KDM4C: variants seen among roughly 807,000 people sequenced by gnomAD.
The protein encoded by KDM4C is lysine demethylase 4C.
KDM4C carries 81 observed loss-of-function variants against 129.3 expected under a neutral mutation model. The ratio of observed to expected loss-of-function variants is 0.63; its 90% confidence interval spans 0.52 to 0.75. The LOEUF (loss-of-function observed/expected upper bound fraction) is 0.75. Among genes scored for constraint, KDM4C ranks in the 30% least tolerant of loss-of-function variants. The pLI, the probability that KDM4C is intolerant of heterozygous loss-of-function variation, is 0.00. For missense variants in KDM4C, 1,457 were observed against 1,304.0 expected, an observed-to-expected ratio of 1.12 and a Z score of -1.81; for synonymous variants, 573 against 456.1, an observed-to-expected ratio of 1.26 and a Z score of -3.26.
chr9:6,864,935 A>T (rs1447976946), intron 5 of KDM4C, among the ~76,000 whole-genome samples: 1 of 151,066 alleles, frequency 6.6e-6, no homozygotes, highest in Non-Finnish European at 1.5e-5. Context: ...TAGTTCAGCA[A>T]ATGTATTTCT....
chr9:6,789,396 T>G (rs1367552965), intron 1 of KDM4C, among the ~76,000 whole-genome samples: 1 of 152,064 alleles, frequency 6.6e-6, no homozygotes, highest in South Asian at 2.1e-4. Flanking sequence ...AATTTTTGTA[T>G]TTTTAGTAGA....
chr9:6,732,918 C>G (rs62566480), intron 1 of KDM4C, among the ~76,000 whole-genome samples: 11,829 of 152,248 alleles, frequency 0.078, 603 homozygotes, highest in Non-Finnish European at 0.11. Context: ...GAGGCTGAGG[C>G]AGGAGAATAG....
At chr9:7,033,744 T>C (rs924601842) in intron 15 of KDM4C, among the ~76,000 whole-genome samples, 2 of 152,212 alleles carry the variant, frequency 1.3e-5, no homozygotes, top group African/African-American at 2.4e-5. Flanking sequence ...AGCTTCTTGA[T>C]TGAGAACAAA....
At chr9:6,889,339 A>G (rs1845783535) in intron 7 of KDM4C, among the ~76,000 whole-genome samples, 1 of 151,826 alleles carries the variant, frequency 6.6e-6, no homozygotes. Context: ...GCTCCCTCAT[A>G]AACTGTCTAT....
chr9:6,748,599 C>T lies in KDM4C; in HGVS notation c.49+27602C>T, dbSNP rs1817962227. 3 of 634,328 alleles carry T rather than the reference C, an allele frequency of 4.7e-6. No homozygotes were observed. The Admixed American group carries it at 6.8e-5, about 14-fold the overall frequency. 39.3% of individuals were successfully genotyped at this position (634,328 alleles called of 1,614,324 possible). On this transcript the variant is annotated intron_variant, in intron 1 of 17. Coordinates refer to the KDM4C transcript ENST00000536108. ...AGCATTTATTGCCATCTTGTAAAAA[C>T]ATAAGTGTAATCAAAACAATATGAA...
At chr9:7,095,156 A>G (rs552653252) in intron 17 of KDM4C, among the ~76,000 whole-genome samples, 30 of 152,310 alleles carry the variant, frequency 2.0e-4, no homozygotes, top group African/African-American at 6.7e-4. Flanking sequence ...GTGGGACACA[A>G]TTTCTTCATT....
intron 5 of KDM4C, among the ~76,000 whole-genome samples, chr9:6,865,661 G>C (rs1283185054): frequency 6.6e-6 from 1 of 152,120 alleles, no homozygotes; most frequent in Non-Finnish European, 1.5e-5. Context: ...CCGCCTCCCA[G>C]TTTCAAGCAA....
chr9:6,922,236 A>AT (rs1213515712), intron 8 of KDM4C, among the ~76,000 whole-genome samples: 1 of 152,084 alleles, frequency 6.6e-6, no homozygotes, highest in Non-Finnish European at 1.5e-5. Flanking sequence ...TCCTATCTTA[A>AT]TTTTTTGTTT....
chr9:6,798,268 TTTA>T (rs1828129932), intron 2 of KDM4C, among the ~76,000 whole-genome samples: 1 of 151,832 alleles, frequency 6.6e-6, no homozygotes, highest in South Asian at 2.2e-4. Context: ...TTTTTTTTTT[TTTA>T]TTGATCATTC....
intron 19 of KDM4C, among the ~76,000 whole-genome samples, chr9:7,149,541 G>GGCCAT (rs1467914184): frequency 5.9e-5 from 9 of 152,246 alleles, no homozygotes; most frequent in Non-Finnish European, 1.2e-4. Flanking sequence ...GTGCAGCCTT[G>GGCCAT]GCCATGCCTC....
At chr9:6,983,859 CTTTATT>C (rs1213795468) in intron 9 of KDM4C, among the ~76,000 whole-genome samples, 3 of 151,578 alleles carry the variant, frequency 2.0e-5, no homozygotes, top group African/African-American at 4.8e-5. Flanking sequence ...ACATTTTTTA[CTTTATT>C]TTTATTTTCA....
intron 17 of KDM4C, among the ~76,000 whole-genome samples, chr9:7,056,820 G>A (rs946575298): frequency 1.3e-5 from 2 of 152,184 alleles, no homozygotes; most frequent in African/African-American, 4.8e-5. Flanking sequence ...GTCTGTGTGA[G>A]TAGTGATTAC....
At chr9:6,773,962 A>G (rs1232446104) in intron 1 of KDM4C, among the ~76,000 whole-genome samples, 1 of 151,980 alleles carries the variant, frequency 6.6e-6, no homozygotes, top group Non-Finnish European at 1.5e-5. Context: ...ATGGAGTCTC[A>G]CTGCAAACTC....
chr9:6,912,588 G>T (rs1357307129), intron 8 of KDM4C, among the ~76,000 whole-genome samples: 1 of 152,172 alleles, frequency 6.6e-6, no homozygotes, highest in African/African-American at 2.4e-5. Context: ...TGTACAAATT[G>T]TTCATTGTTC....
At chr9:7,121,989 A>G (rs1839535042) in intron 18 of KDM4C, among the ~76,000 whole-genome samples, 1 of 149,904 alleles carries the variant, frequency 6.7e-6, no homozygotes, top group Non-Finnish European at 1.5e-5. Flanking sequence ...TTTTCTTTCC[A>G]TGTTTATTCT....
At chr9:6,735,828 G>A (rs1440307185) in intron 1 of KDM4C, among the ~76,000 whole-genome samples, 1 of 152,148 alleles carries the variant, frequency 6.6e-6, no homozygotes, top group East Asian at 1.9e-4. Context: ...TTTGGAACTG[G>A]GTAACAGGCA....
intron 8 of KDM4C, among the ~76,000 whole-genome samples, chr9:6,944,058 A>G (rs1563857824): frequency 6.6e-6 from 1 of 152,200 alleles, no homozygotes; most frequent in African/African-American, 2.4e-5. Context: ...TTAAATTTAT[A>G]TATCTTAAAT....
chr9:6,917,113 A>G (rs773636412), intron 8 of KDM4C, among the ~76,000 whole-genome samples: 11 of 152,172 alleles, frequency 7.2e-5, no homozygotes, highest in Non-Finnish European at 1.5e-4. Flanking sequence ...GAATTGGAGA[A>G]TGTGGGAAGT....
At chr9:6,835,385 G>A in intron 4 of KDM4C, 1 of 1,112,504 alleles carries the variant, frequency 9.0e-7, no homozygotes, top group Non-Finnish European at 1.4e-6. Context: ...GTTGCCAACA[G>A]GATGCAGAAG....
Sources: gnomAD v4.1 joint callset for allele counts (sites outside exome capture counted in the v4.1 genomes callset) on GRCh38, gnomAD v4.1.1 for gene constraint, MANE v1.5 for transcripts, NCBI Gene and HGNC (gene_info 2026-07-23, HGNC 2026-07-21) for gene names.